Variants in CDK19 observed in about 807,000 individuals in gnomAD.
CDK19 encodes the protein cyclin-dependent kinase 19.
CDK19 carries 20 observed loss-of-function variants against 68.3 expected under a neutral mutation model. The observed-to-expected ratio is 0.29, with a 90% CI of 0.21 to 0.43. The LOEUF (loss-of-function observed/expected upper bound fraction) is 0.43, where lower values mean the gene tolerates loss of function less well. CDK19 is among the 20% of genes least tolerant of loss of function. CDK19 has a pLI of 1.00. For synonymous variants in CDK19, 221 were observed against 222.8 expected, an observed-to-expected ratio of 0.99 and a Z score of 0.07; for missense variants, 339 against 623.5, an observed-to-expected ratio of 0.54 and a Z score of 4.86.
intron 2 of CDK19, among the ~76,000 whole-genome samples, chr6:110,676,930 A>G (rs978935790): frequency 3.3e-5 from 5 of 152,310 alleles, no homozygotes; most frequent in Admixed American, 1.3e-4. Context: ...GTTTATAACT[A>G]CATGCATTTA....
intron 4 of CDK19, among the ~76,000 whole-genome samples, chr6:110,660,784 GT>G (rs1460906043): frequency 6.6e-6 from 1 of 152,158 alleles, no homozygotes; most frequent in Non-Finnish European, 1.5e-5. Context: ...TGAGCCTGAG[GT>G]TTTTATGGGC....
chr6:110,751,376 G>C (rs1320956859), intron 1 of CDK19, among the ~76,000 whole-genome samples: 3 of 152,048 alleles, frequency 2.0e-5, no homozygotes, highest in African/African-American at 7.2e-5. Flanking sequence ...ACTGTGAACT[G>C]CACGTGCAAG....
chr6:110,691,642 A>T (rs1053362323), intron 2 of CDK19, among the ~76,000 whole-genome samples: 5 of 150,856 alleles, frequency 3.3e-5, no homozygotes, highest in Admixed American at 1.3e-4. Context: ...TTATTTTATT[A>T]TTATTATTTT....
rs59126964 is a variant in CDK19, at chr6:110,708,862, T to C, written c.204+37264A>G. 3.3e-5 allele frequency among the ~76,000 whole-genome samples: 5 copies of C among 152,286 alleles called. No homozygotes were observed. In the East Asian group the frequency reaches 9.6e-4, roughly 29 times the overall value. On this transcript the variant is annotated intron_variant, in intron 2 of 12. Coordinates refer to ENST00000368911, the MANE Select transcript of CDK19 (RefSeq NM_015076.5). ...AATGGTTTTAAGTAACAACTTGATA[T>C]CTCAACTGGCTCTCTTTACTTTTCC...
intron 1 of CDK19, among the ~76,000 whole-genome samples, chr6:110,771,876 T>G (rs1207769109): frequency 6.6e-6 from 1 of 152,214 alleles, no homozygotes; most frequent in African/African-American, 2.4e-5. Flanking sequence ...TGCTAAAACA[T>G]AACAAGAGTC....
chr6:110,769,685 T>C (rs1429998878), intron 1 of CDK19, among the ~76,000 whole-genome samples: 2 of 151,820 alleles, frequency 1.3e-5, no homozygotes, highest in Non-Finnish European at 2.9e-5. Context: ...CTCAAGAAAA[T>C]AGTCAATTAA....
At chr6:110,628,880 T>C (rs964436623) in intron 6 of CDK19, among the ~76,000 whole-genome samples, 1 of 152,216 alleles carries the variant, frequency 6.6e-6, no homozygotes, top group Non-Finnish European at 1.5e-5. Flanking sequence ...CCTGCCACCA[T>C]AAAAGGCTAT....
chr6:110,748,934 C>T (rs1778263984), intron 1 of CDK19, among the ~76,000 whole-genome samples: 1 of 152,082 alleles, frequency 6.6e-6, no homozygotes, highest in Non-Finnish European at 1.5e-5. Context: ...GCCTACACTG[C>T]TATGATAATC....
At chr6:110,665,809 A>C (rs1200425528) in intron 4 of CDK19, among the ~76,000 whole-genome samples, 1 of 152,024 alleles carries the variant, frequency 6.6e-6, no homozygotes, top group Non-Finnish European at 1.5e-5. Flanking sequence ...GTTTGCAGTG[A>C]TCTCAGCTCA....
chr6:110,731,423 A>C (rs1318748410), intron 2 of CDK19, among the ~76,000 whole-genome samples: 8 of 152,192 alleles, frequency 5.3e-5, no homozygotes, highest in Admixed American at 5.2e-4. Context: ...GTGGTTGCCA[A>C]GGGCTGAGTT....
intron 2 of CDK19, among the ~76,000 whole-genome samples, chr6:110,689,528 T>C (rs780874435): frequency 8.5e-5 from 13 of 152,316 alleles, no homozygotes; most frequent in African/African-American, 2.9e-4. Context: ...TAGAATAACA[T>C]TGACATTGTG....
intron 1 of CDK19, among the ~76,000 whole-genome samples, chr6:110,759,639 GTAAAA>G (rs1328732059): frequency 6.6e-6 from 1 of 151,042 alleles, no homozygotes; most frequent in Non-Finnish European, 1.5e-5. Context: ...AAATAAATAA[GTAAAA>G]TAAAATATTA....
chr6:110,683,174 CAAA>C (rs58912406), intron 2 of CDK19, among the ~76,000 whole-genome samples: 4 of 49,598 alleles, frequency 8.1e-5, no homozygotes, highest in South Asian at 7.7e-4. Context: ...AGACTGTCTC[CAAA>C]AAAAAAAAAA....
intron 4 of CDK19, among the ~76,000 whole-genome samples, chr6:110,660,280 G>A (rs1363282331): frequency 2.0e-5 from 3 of 152,184 alleles, no homozygotes; most frequent in Non-Finnish European, 2.9e-5. Context: ...GCATGCAGGC[G>A]AGTGGGTACA....
intron 2 of CDK19, among the ~76,000 whole-genome samples, chr6:110,717,308 T>C (rs892187112): frequency 6.6e-6 from 1 of 152,098 alleles, no homozygotes; most frequent in Non-Finnish European, 1.5e-5. Context: ...TATTTTGATA[T>C]ATATATCTCA....
chr6:110,759,685 T>C (rs1467854750), intron 1 of CDK19, among the ~76,000 whole-genome samples: 1 of 151,890 alleles, frequency 6.6e-6, no homozygotes, highest in Non-Finnish European at 1.5e-5. Context: ...TCCTTCTTTA[T>C]GCTTATCTAT....
At chr6:110,679,143 T>C (rs1208073529) in intron 2 of CDK19, among the ~76,000 whole-genome samples, 1 of 151,848 alleles carries the variant, frequency 6.6e-6, no homozygotes, top group Non-Finnish European at 1.5e-5. Flanking sequence ...GCCCTATCTC[T>C]ACAAAAAAAT....
intron 4 of CDK19, among the ~76,000 whole-genome samples, chr6:110,644,282 ACTT>A: frequency 6.6e-6 from 1 of 151,238 alleles, no homozygotes; most frequent in East Asian, 1.9e-4. Context: ...ACAGAGCGAG[ACTT>A]CATCTCAAAA....
At chr6:110,735,860 T>C (rs545012666) in intron 2 of CDK19, among the ~76,000 whole-genome samples, 1 of 152,326 alleles carries the variant, frequency 6.6e-6, no homozygotes, top group East Asian at 1.9e-4. Flanking sequence ...TGGAAAGAAG[T>C]GCTTCGCCAA....
Sources: gnomAD v4.1 joint callset for allele counts (sites outside exome capture counted in the v4.1 genomes callset) on GRCh38, gnomAD v4.1.1 for gene constraint, MANE v1.5 for transcripts, NCBI Gene and HGNC (gene_info 2026-07-23, HGNC 2026-07-21) for gene names.